The following CYP2U1 variants were observed in gnomAD, a reference collection of about 807,000 sequenced individuals.
CYP2U1 encodes the protein cytochrome P450 2U1.
In CYP2U1, 28 loss-of-function variants were observed where a neutral mutation model predicts 42.8. That is an observed-to-expected ratio of 0.65 (90% CI 0.48 to 0.90). The LOEUF (loss-of-function observed/expected upper bound fraction) is 0.90. CYP2U1 is among the 40% of genes least tolerant of loss of function. The probability of loss-of-function intolerance (pLI) is 0.00; values close to 1 mark genes in which losing one functional copy is unlikely to be tolerated. For synonymous variants in CYP2U1, 296 were observed against 278.9 expected, an observed-to-expected ratio of 1.06 and a Z score of -0.61; for missense variants, 642 against 693.8, an observed-to-expected ratio of 0.93 and a Z score of 0.84.
At chr4:107,940,857 T>C (rs1419456194) in intron 1 of CYP2U1, 1 of 152,192 alleles carries the variant, frequency 6.6e-6, no homozygotes, top group East Asian at 1.9e-4. Context: ...TGTTAGATAT[T>C]AGTAATTAGA....
At position 107,947,519 on chromosome 4, in the gene CYP2U1, A is replaced by C; in HGVS notation, c.1270A>C (p.Met424Leu). 6.2e-7 allele frequency: 1 copy of C among 1,613,982 alleles called. No individual in the cohort carries two copies. Among genetic ancestry groups the C allele is most frequent in the Non-Finnish European group, 8.5e-7 (1 of 1,179,986 alleles). Reference protein sequence around the residue: ...TVVVPLAIPHMTSENTVLQGY... With the variant: ...TVVVPLAIPHLTSENTVLQGY... Reference sequence around the variant, plus strand: ...GGTGGTGCCGCTTGCCATTCCTCATATGACCTCAGAGAACACAGGCAAGTC... The same window carrying C: ...GGTGGTGCCGCTTGCCATTCCTCATCTGACCTCAGAGAACACAGGCAAGTC... The change falls in exon 3 of 5, where the codon ATG (methionine) becomes CTG (leucine). Residue 424 changes from methionine to leucine, a missense_variant. Physicochemically the swap from Met to Leu is conservative, Grantham distance 15 (BLOSUM62 2). Coordinates refer to ENST00000332884, the MANE Select transcript of CYP2U1 (RefSeq NM_183075.3).
At chr4:107,932,311 G>T (rs1364059288) in intron 1 of CYP2U1, 178 bp downstream of exon 1, 1 of 701,888 alleles carries the variant, frequency 1.4e-6, no homozygotes. Context: ...ATGCCTTTAA[G>T]ATCCCATCAA....
At chr4:107,949,599 A>G in intron 4 of CYP2U1, 82 bp downstream of exon 4, 1 of 1,240,076 alleles carries the variant, frequency 8.1e-7, no homozygotes. Context: ...GTTGTTTTAA[A>G]AATGTTTCTT....
rs1352860097 is a variant in CYP2U1, at chr4:107,952,369, C to T, written c.*1946C>T. On this transcript the variant is annotated 3_prime_UTR_variant, in exon 5 of 5. Coordinates refer to ENST00000332884, the MANE Select transcript of CYP2U1 (RefSeq NM_183075.3). ...TTATAGGTAACAGAATGTAAACTCC[C>T]ACCACCTGGAGACTAGGCCATATCC... The T allele has an allele frequency of 2.6e-5, 4 of 152,220 alleles. No homozygotes were observed. Among genetic ancestry groups the T allele is most frequent in the Non-Finnish European group, 4.4e-5 (3 of 68,042 alleles). 9.4% of individuals were successfully genotyped at this position (152,220 alleles called of 1,614,324 possible).
chr4:107,948,791 C>T (rs1712098171), intron 3 of CYP2U1, among the ~76,000 whole-genome samples: 1 of 152,040 alleles, frequency 6.6e-6, no homozygotes, highest in African/African-American at 2.4e-5. Flanking sequence ...TTATAGCATG[C>T]CGTTGCTTAT....
At position 107,953,151 on chromosome 4, in the gene CYP2U1, A is replaced by G. The variant is rs1464525307; in HGVS notation, c.*2728A>G. ...TCCTTAAATTATACATGCATTTTCAATATTCCTAACCAAATAGTTTATAGC... is the reference window on the plus strand; with the variant it reads ...TCCTTAAATTATACATGCATTTTCAGTATTCCTAACCAAATAGTTTATAGC... On this transcript the variant is annotated 3_prime_UTR_variant, in exon 5 of 5. Coordinates refer to ENST00000332884, the MANE Select transcript of CYP2U1 (RefSeq NM_183075.3). 1 of 152,224 alleles carries G rather than the reference A, an allele frequency of 6.6e-6. No homozygotes were observed. Among genetic ancestry groups the G allele is most frequent in the Non-Finnish European group, 1.5e-5 (1 of 68,046 alleles). 9.4% of individuals were successfully genotyped at this position (152,224 alleles called of 1,614,324 possible). A position where few individuals can be genotyped will look rare whatever the true frequency, so the allele number is the denominator to read the frequency against.
intron 1 of CYP2U1, chr4:107,937,874 G>T (rs926390394): frequency 1.3e-5 from 2 of 152,150 alleles, no homozygotes; most frequent in Admixed American, 1.3e-4. Flanking sequence ...TTTAAAAATT[G>T]CTTTTTATCA....
At chr4:107,948,585 T>TC (rs1448750751) in intron 3 of CYP2U1, among the ~76,000 whole-genome samples, 146 of 151,016 alleles carry the variant, frequency 9.7e-4, no homozygotes, top group African/African-American at 3.5e-3. Context: ...TCAATAATAA[T>TC]AATAATAATC....
intron 2 of CYP2U1, among the ~76,000 whole-genome samples, chr4:107,946,735 G>A (rs555673781): frequency 6.6e-6 from 1 of 152,194 alleles, no homozygotes; most frequent in South Asian, 2.1e-4. Context: ...TGTTGGCTGG[G>A]GCTGCAGACT....
chr4:107,932,947 G>T (rs1301259986), intron 1 of CYP2U1, among the ~76,000 whole-genome samples: 1 of 152,152 alleles, frequency 6.6e-6, no homozygotes, highest in Non-Finnish European at 1.5e-5. Context: ...ATAACTTTAT[G>T]ACCTTGGGCC....
rs1733881553 is a variant in CYP2U1, at chr4:107,950,721, T to C, written c.*298T>C. 4 of 251,048 alleles carry C rather than the reference T, an allele frequency of 1.6e-5. No individual in the cohort carries two copies. In the South Asian group the frequency reaches 3.3e-4, roughly 21 times the overall value. The allele number at this position is 251,048 out of a possible 1,614,324, so 15.6% of individuals were successfully genotyped here. A position where few individuals can be genotyped will look rare whatever the true frequency, so the allele number is the denominator to read the frequency against. The stretch of plus-strand genomic sequence containing the variant: ...TTCCACCGATGGGCCAATCTTCTCA[T>C]TTCTTAGTGCCTCAGACATCCCATA... On this transcript the variant is annotated 3_prime_UTR_variant, in exon 5 of 5. Transcript: ENST00000332884.
Position 107,945,197 on chromosome 4 carries a change from C to T in CYP2U1, c.718C>T (p.Arg240Cys), listed in dbSNP as rs761764079. 54 of 1,613,936 alleles carry T rather than the reference C, an allele frequency of 3.3e-5. No homozygotes were observed. Among genetic ancestry groups the T allele is most frequent in the South Asian group, 7.7e-5 (7 of 91,066 alleles). ...NIICSLCFGQ[R>C]FDYTNSEFKK... ...CATTTGCTCCTTGTGCTTTGGCCAG[C>T]GCTTTGATTACACTAATAGTGAGTT... is the stretch of plus-strand genomic sequence containing the variant. Residue 240 changes from arginine (R) to cysteine (C), a missense_variant, in exon 2 of 5, where the codon CGC becomes TGC. Physicochemically the swap from Arg to Cys is radical, Grantham distance 180 (BLOSUM62 -3). Coordinates refer to ENST00000332884, the MANE Select transcript of CYP2U1 (RefSeq NM_183075.3).
chr4:107,949,405 A>C lies in CYP2U1; in HGVS notation c.1344A>C (p.Ser448=). ...CATTGATCTTACCCAACCTGTGGTCAGTACATAGAGACCCAGCCATTTGGG... is the reference window on the plus strand; with the variant it reads ...CATTGATCTTACCCAACCTGTGGTCCGTACATAGAGACCCAGCCATTTGGG... The part of the protein sequence containing the change: ...KGTLILPNLW[S]VHRDPAIWEK... The change falls in exon 4 of 5, where the codon TCA becomes TCC. Residue 448 remains serine (S), a synonymous_variant. Coordinates refer to ENST00000332884, the MANE Select transcript of CYP2U1 (RefSeq NM_183075.3). 1 of 1,605,406 alleles carries C rather than the reference A, an allele frequency of 6.2e-7. No individual in the cohort carries two copies.
intron 1 of CYP2U1, among the ~76,000 whole-genome samples, chr4:107,944,394 C>T (rs1367943472): frequency 6.6e-6 from 1 of 151,992 alleles, no homozygotes; most frequent in African/African-American, 2.4e-5. Context: ...CATCCAACTC[C>T]TGGGCTCAAG....
chr4:107,932,197 G>A (rs893805691), intron 1 of CYP2U1, 64 bp downstream of exon 1: 30 of 1,524,460 alleles, frequency 2.0e-5, no homozygotes, highest in Middle Eastern at 1.9e-4. Flanking sequence ...GGTGCGTGGG[G>A]GCTGCAGTTC....
At chr4:107,945,829 C>A (rs1351650130) in intron 2 of CYP2U1, among the ~76,000 whole-genome samples, 1 of 152,170 alleles carries the variant, frequency 6.6e-6, no homozygotes, top group African/African-American at 2.4e-5. Flanking sequence ...AATCTCTACG[C>A]GTCTGATTCT....
intron 1 of CYP2U1, among the ~76,000 whole-genome samples, chr4:107,944,253 A>G (rs368221384): frequency 1.6e-4 from 24 of 152,226 alleles, no homozygotes; most frequent in African/African-American, 5.3e-4. Context: ...GAATGTTTAG[A>G]ATATAGGTGT....
At chr4:107,943,393 T>C (rs1733568013) in intron 1 of CYP2U1, among the ~76,000 whole-genome samples, 1 of 152,172 alleles carries the variant, frequency 6.6e-6, no homozygotes, top group Non-Finnish European at 1.5e-5. Context: ...AAAATAAATA[T>C]CACACATAAT....
chr4:107,947,922 G>A (rs1578732413), intron 3 of CYP2U1, among the ~76,000 whole-genome samples: 1 of 152,286 alleles, frequency 6.6e-6, no homozygotes, highest in African/African-American at 2.4e-5. Context: ...GATTTTGCCT[G>A]AAAATTATCT....
Sources: allele counts gnomAD v4.1 joint callset (sites outside exome capture counted in the v4.1 genomes callset), GRCh38; gene constraint gnomAD v4.1.1; transcripts MANE v1.5; gene names NCBI Gene and HGNC (gene_info 2026-07-23, HGNC 2026-07-21).